The following ADCY3 variants were observed in gnomAD, a reference collection of about 807,000 sequenced individuals.
ADCY3 encodes the protein adenylate cyclase type 3.
Under a neutral mutation model 119.4 loss-of-function variants are expected in ADCY3, and 70 were observed. The ratio of observed to expected loss-of-function variants is 0.59; its 90% CI spans 0.48 to 0.72. The LOEUF (loss-of-function observed/expected upper bound fraction) is 0.72, where lower values mean the gene tolerates loss of function less well. Ranked by LOEUF, ADCY3 falls within the 30% of genes least tolerant of loss-of-function variation. ADCY3 has a pLI of 0.00. For missense variants in ADCY3, 1,238 were observed against 1,541.6 expected (o/e 0.80, Z 3.30); for synonymous variants, 672 against 621.4 (o/e 1.08, Z -1.21).
chr2:24,826,273 C>CCCTT, intron 15 of ADCY3, 147 bp from the exon 16 acceptor site: 1 of 666,480 alleles, frequency 1.5e-6, no homozygotes, highest in Non-Finnish European at 2.6e-6. Context: ...TCAAGTCGGG[C>CCCTT]TCCCCCGGGC....
At position 24,853,594 on chromosome 2, in the gene ADCY3, C is replaced by T. The variant is rs548698225; in HGVS notation, c.826-11210G>A. ...AAGTGATTCTCCTGCCTCAGCCTCC[C>T]GAGTAGGTGGGACTGCAGGTGCACA... On this transcript the variant is annotated intron_variant, in intron 3 of 21. Coordinates refer to ENST00000679454, the MANE Select transcript of ADCY3 (RefSeq NM_004036.5). 1.5e-3 allele frequency among the ~76,000 whole-genome samples: 221 copies of T among 151,762 alleles called. 1 individual carries two copies. Among genetic ancestry groups the T allele is most frequent in the African/African-American group, 5.1e-3 (213 of 41,362 alleles).
chr2:24,872,564 C>A lies in ADCY3; in HGVS notation c.825+6G>T. 6.2e-7 allele frequency: 1 copy of A among 1,613,650 alleles called. No homozygotes were observed. ...CTCCAGGCCCGAGGCCTCCCGAGAGCCTCACCTGCTGCTGGCTCTGCTCTT... is the reference window on the plus strand; with the variant it reads ...CTCCAGGCCCGAGGCCTCCCGAGAGACTCACCTGCTGCTGGCTCTGCTCTT... On this transcript the variant is annotated splice_donor_region_variant and intron_variant, in intron 3 of 21. Transcript: ENST00000679454. The surrounding 1 kb of genome is among the most constrained non-coding windows in gnomAD (Gnocchi z 4.4).
Position 24,841,517 on chromosome 2 carries a change from C to T in ADCY3, c.1068+39G>A. 6.2e-7 allele frequency: 1 copy of T among 1,600,302 alleles called. No homozygotes were observed. ...GGGGGCCAGGCAGAGGCCATGAGGGCAGGCCCCGCTGGAGAGCCAGGCGGG... is the reference window on the plus strand; with the variant it reads ...GGGGGCCAGGCAGAGGCCATGAGGGTAGGCCCCGCTGGAGAGCCAGGCGGG... On this transcript the variant is annotated intron_variant, in intron 5 of 21. Coordinates refer to ENST00000679454, the MANE Select transcript of ADCY3 (RefSeq NM_004036.5). The surrounding 1 kb of genome is among the most constrained non-coding windows in gnomAD (Gnocchi z 5.8).
Position 24,824,551 on chromosome 2 carries a change from AAGGCG to A in ADCY3, c.2578-20_2578-16del. ...AGTTTTTCTACCTACAGACACAGAC[AAGGCG>A]AGGCATGTGCTCTAAGCTGGCCACT... On this transcript the variant is annotated splice_polypyrimidine_tract_variant and intron_variant, in intron 16 of 21. Transcript: ENST00000679454. The A allele has an allele frequency of 6.2e-7, 1 of 1,613,486 alleles. No homozygotes were observed. The highest frequency in any genetic ancestry group is 1.3e-5 in the African/African-American group (1 of 75,054).
At chr2:24,893,211 A>C (rs776884810) in intron 2 of ADCY3, among the ~76,000 whole-genome samples, 1 of 151,882 alleles carries the variant, frequency 6.6e-6, no homozygotes, top group Non-Finnish European at 1.5e-5. Context: ...TTTTTAAAAA[A>C]ATTTTTTGTA....
Position 24,834,562 on chromosome 2 carries a change from C to A in ADCY3, c.1890G>T (p.Lys630Asn), listed in dbSNP as rs371180476. The A allele has an allele frequency of 1.7e-5, 27 of 1,613,934 alleles. No homozygotes were observed. Among genetic ancestry groups the A allele is most frequent in the African/African-American group, 2.7e-5 (2 of 74,910 alleles). ...METRYSVEKE[K>N]QSGAAFSCSC... The stretch of plus-strand genomic sequence containing the variant: ...AGCAGCTGAAGGCAGCCCCACTCTG[C>A]TTCTCCTTCTCCACCGAGTAGCGGG... The change falls in exon 11 of 22, where the codon AAG (lysine) becomes AAT (asparagine). Residue 630 changes from lysine to asparagine, a missense_variant. Physicochemically the swap from Lys to Asn is moderately conservative, Grantham distance 94. This residue lies in a region of ADCY3 where 499 missense variants were observed against 571.0 expected (regional missense o/e 0.87). Transcript: ENST00000679454. The surrounding 1 kb of genome is among the most constrained non-coding windows in gnomAD (Gnocchi z 4.2).
intron 3 of ADCY3, among the ~76,000 whole-genome samples, chr2:24,864,909 G>C (rs561291746): frequency 4.6e-5 from 7 of 152,234 alleles, no homozygotes; most frequent in African/African-American, 1.7e-4. Context: ...AAATGCAAAT[G>C]TCCTTTGATC....
At chr2:24,917,759 C>T (rs1664630613) in intron 2 of ADCY3, among the ~76,000 whole-genome samples, 1 of 152,216 alleles carries the variant, frequency 6.6e-6, no homozygotes, top group Non-Finnish European at 1.5e-5. Flanking sequence ...CCCGAGCTCC[C>T]GGAGGCAGGA....
rs1181500535 is a variant in ADCY3, at chr2:24,920,117, G to C, written c.-632C>G. Among the ~76,000 whole-genome samples, 1 of 146,332 alleles carries C rather than the reference G, an allele frequency of 6.8e-6. No individual in the cohort carries two copies. The highest frequency in any genetic ancestry group is 2.1e-4 in the South Asian group (1 of 4,812). On this transcript the variant is annotated 5_prime_UTR_variant, in exon 1 of 22. Transcript: ENST00000679454. This position sits in a 1 kb window ranked among gnomAD's most constrained non-coding sequence, Gnocchi z 4.5. ...CCCGGCGGGAGCGCGGGCCGAGCCCGGGGAAGCCCGCCAGCATCCTCTCGC... is the reference window on the plus strand; with the variant it reads ...CCCGGCGGGAGCGCGGGCCGAGCCCCGGGAAGCCCGCCAGCATCCTCTCGC...
intron 13 of ADCY3, 149 bp from the exon 14 acceptor site, chr2:24,828,310 C>T (rs970642910): frequency 3.2e-6 from 3 of 946,530 alleles, no homozygotes; most frequent in South Asian, 3.4e-5. Context: ...TTACCAGGGA[C>T]TAATCATATG....
chr2:24,827,484 T>C lies in ADCY3; in HGVS notation c.2495+62A>G, dbSNP rs191642974. On this transcript the variant is annotated intron_variant, in intron 15 of 21. Transcript: ENST00000679454. ...GAGATCCCGGGGCTTGGGCCTGTTA[T>C]ATTCCTGTCTCTAGAAGAAGGGCTG... 4.2e-3 allele frequency: 6,380 copies of C among 1,535,490 alleles called. 15 individuals carry two copies. The highest frequency in any genetic ancestry group is 4.8e-3 in the Non-Finnish European group (5,444 of 1,130,978).
At chr2:24,881,839 G>A (rs889263751) in intron 2 of ADCY3, among the ~76,000 whole-genome samples, 14 of 151,852 alleles carry the variant, frequency 9.2e-5, no homozygotes, top group African/African-American at 3.1e-4. Context: ...TGACAGTCAC[G>A]ACTAGGAGAG....
intron 3 of ADCY3, among the ~76,000 whole-genome samples, chr2:24,852,491 CCCGGCCTCACTGCCCTGTGCTACT>C (rs1665126366): frequency 6.6e-6 from 1 of 152,116 alleles, no homozygotes; most frequent in Non-Finnish European, 1.5e-5. Context: ...ACCCGGCCTC[CCCGGCCTCACTGCCCTGTGCTACT>C]CCTCACAGGC....
At chr2:24,835,657 C>T (rs767409681) in intron 9 of ADCY3, among the ~76,000 whole-genome samples, 34 of 152,012 alleles carry the variant, frequency 2.2e-4, no homozygotes, top group Non-Finnish European at 3.5e-4. Flanking sequence ...TCCCTGGGGC[C>T]GGGCACGGTG....
intron 3 of ADCY3, among the ~76,000 whole-genome samples, chr2:24,864,859 T>C: frequency 6.6e-6 from 1 of 152,364 alleles, no homozygotes; most frequent in East Asian, 1.9e-4. Context: ...GTAAATTTTA[T>C]ACTATGTATA....
At chr2:24,910,279 T>A (rs6744205) in intron 2 of ADCY3, among the ~76,000 whole-genome samples, 2 of 152,028 alleles carry the variant, frequency 1.3e-5, no homozygotes, top group Non-Finnish European at 2.9e-5. Flanking sequence ...CATGGCTCAT[T>A]GCAGCATCCG....
rs900585083 is a variant in ADCY3, at chr2:24,834,052, G to A, written c.1967+433C>T. ...CTTGCCCTGGAGGACCTACTGCTGCGTTAGAGAGGGCGTCAGTCTGTGCCC... is the reference window on the plus strand; with the variant it reads ...CTTGCCCTGGAGGACCTACTGCTGCATTAGAGAGGGCGTCAGTCTGTGCCC... On this transcript the variant is annotated intron_variant, in intron 11 of 21. Transcript: ENST00000679454. This position sits in a 1 kb window ranked among gnomAD's most constrained non-coding sequence, Gnocchi z 4.2. 1.5e-4 allele frequency among the ~76,000 whole-genome samples: 23 copies of A among 152,356 alleles called. No individual in the cohort carries two copies. The highest frequency in any genetic ancestry group is 4.6e-4 in the African/African-American group (19 of 41,592).
intron 3 of ADCY3, among the ~76,000 whole-genome samples, chr2:24,864,567 C>T (rs927777382): frequency 1.3e-5 from 2 of 152,128 alleles, no homozygotes; most frequent in Admixed American, 6.6e-5. Context: ...ATCTGCCCGA[C>T]GACACAGAAG....
chr2:24,885,978 C>T (rs1196008743), intron 2 of ADCY3, among the ~76,000 whole-genome samples: 1 of 152,178 alleles, frequency 6.6e-6, no homozygotes, highest in Admixed American at 6.5e-5. Context: ...AACTTCCCCA[C>T]GAAAGTGCCT....
Sources: gnomAD v4.1 joint callset for allele counts (sites outside exome capture counted in the v4.1 genomes callset) on GRCh38, gnomAD v4.1.1 for gene constraint, gnomAD v4.1.1 regional missense constraint, Gnocchi (gnomAD v3.1) non-coding constraint, MANE v1.5 for transcripts, NCBI Gene and HGNC (gene_info 2026-07-23, HGNC 2026-07-21) for gene names.